The following METTL8 variants were observed in gnomAD, a reference collection of about 807,000 sequenced individuals.
METTL8 encodes the protein tRNA N(3)-cytidine methyltransferase METTL8, mitochondrial.
Under a neutral mutation model 48.7 loss-of-function variants are expected in METTL8, and 32 were observed. That is an observed-to-expected ratio of 0.66 (90% confidence interval 0.50 to 0.88). The LOEUF is 0.88. METTL8 is among the 40% of genes least tolerant of loss of function. The pLI is 0.00. For synonymous variants in METTL8, 136 were observed against 157.1 expected (o/e 0.87, Z 1.01); for missense variants, 464 against 474.4 (o/e 0.98, Z 0.20).
At chr2:171,405,293 G>A (rs1417872487) in intron 1 of METTL8, among the ~76,000 whole-genome samples, 5 of 151,670 alleles carry the variant, frequency 3.3e-5, no homozygotes, top group Admixed American at 6.6e-5. Context: ...GAGAGGGACT[G>A]ATCAAGAAAA....
intron 1 of METTL8, among the ~76,000 whole-genome samples, chr2:171,396,484 G>C (rs1689077426): frequency 6.6e-6 from 1 of 152,066 alleles, no homozygotes; most frequent in African/African-American, 2.4e-5. Context: ...GTAATGTCAT[G>C]TATGGCATGC....
At chr2:171,428,634 C>G (rs72882311) in intron 1 of METTL8, among the ~76,000 whole-genome samples, 10,422 of 152,218 alleles carry the variant, frequency 0.068, 469 homozygotes, top group Middle Eastern at 0.17. Flanking sequence ...TATTACTACT[C>G]AGTTTCTGCC....
At chr2:171,348,019 A>G (rs1224915633) in intron 3 of METTL8, among the ~76,000 whole-genome samples, 1 of 152,188 alleles carries the variant, frequency 6.6e-6, no homozygotes, top group Non-Finnish European at 1.5e-5. Flanking sequence ...TAAGATAGGT[A>G]GGCACTGCCC....
At chr2:171,336,396 CTTTTTTTTTTTTTT>C (rs146097512) in intron 5 of METTL8, among the ~76,000 whole-genome samples, 2 of 80,782 alleles carry the variant, frequency 2.5e-5, no homozygotes, top group South Asian at 4.8e-4. Flanking sequence ...CGCCCGACTG[CTTTTTTTTTTTTTT>C]TTTTTTTTTT....
intron 3 of METTL8, among the ~76,000 whole-genome samples, chr2:171,350,297 C>CT (rs1484263184): frequency 1.3e-5 from 2 of 152,236 alleles, no homozygotes; most frequent in South Asian, 2.1e-4. Context: ...TGAACTCATC[C>CT]TTTTTTATAG....
At chr2:171,425,692 A>G (rs775938194) in intron 1 of METTL8, among the ~76,000 whole-genome samples, 10 of 152,244 alleles carry the variant, frequency 6.6e-5, no homozygotes, top group Non-Finnish European at 1.5e-4. Flanking sequence ...GCAGAGAATT[A>G]GGTTATGCTG....
chr2:171,389,047 A>G (rs1688336401), intron 2 of METTL8, among the ~76,000 whole-genome samples: 1 of 152,140 alleles, frequency 6.6e-6, no homozygotes, highest in Non-Finnish European at 1.5e-5. Context: ...TTACCCTACA[A>G]TGGCCTCTAC....
chr2:171,358,464 C>G (rs1684818668), intron 3 of METTL8, among the ~76,000 whole-genome samples: 1 of 151,742 alleles, frequency 6.6e-6, no homozygotes, highest in African/African-American at 2.4e-5. Context: ...AAAACAGACA[C>G]ATTGACTGAT....
At chr2:171,326,531 T>A (rs918016498) in intron 7 of METTL8, 1 of 169,210 alleles carries the variant, frequency 5.9e-6, no homozygotes, top group African/African-American at 2.4e-5. Context: ...ATAAAAAATA[T>A]GCCAAAGCCA....
chr2:171,427,147 C>A (rs1692500435), intron 1 of METTL8, among the ~76,000 whole-genome samples: 1 of 152,104 alleles, frequency 6.6e-6, no homozygotes, highest in African/African-American at 2.4e-5. Flanking sequence ...TGATTCTTTT[C>A]TTTTCCTCAT....
At position 171,326,059 on chromosome 2, in the gene METTL8, T is replaced by C. The variant is rs1017246109; in HGVS notation, c.950A>G (p.Gln317Arg). Residue 317 changes from glutamine to arginine, a missense_variant, in exon 8 of 10, where the codon CAG becomes CGG. Transcript: ENST00000375258. ...FRDYGRYDKTQLRFKKGHCLS... is the reference protein window; with the variant it reads ...FRDYGRYDKTRLRFKKGHCLS... ...ACTATTACCCTTTTTAAAACGAAGCTGAGTCTTATCATATCTTCCATAGTC... is the reference window on the plus strand; with the variant it reads ...ACTATTACCCTTTTTAAAACGAAGCCGAGTCTTATCATATCTTCCATAGTC... The C allele has an allele frequency of 1.9e-6, 3 of 1,541,414 alleles. No individual in the cohort carries two copies. The highest frequency in any genetic ancestry group is 2.6e-6 in the Non-Finnish European group (3 of 1,139,478).
intron 3 of METTL8, among the ~76,000 whole-genome samples, chr2:171,349,569 G>A (rs1683653833): frequency 6.6e-6 from 1 of 152,152 alleles, no homozygotes; most frequent in African/African-American, 2.4e-5. Context: ...ATCTGATGAT[G>A]GGCATTTTAG....
chr2:171,343,400 T>C (rs926025974), intron 3 of METTL8, among the ~76,000 whole-genome samples: 7 of 151,702 alleles, frequency 4.6e-5, no homozygotes, highest in East Asian at 2.0e-4. Context: ...GATCGTGCCA[T>C]TGCACTCCAG....
At chr2:171,376,478 C>G (rs1686979210) in intron 2 of METTL8, among the ~76,000 whole-genome samples, 2 of 152,116 alleles carry the variant, frequency 1.3e-5, no homozygotes, top group African/African-American at 4.8e-5. Flanking sequence ...GCTCCTAGAT[C>G]TGATAAATGG....
chr2:171,434,373 T>C (rs1256267457), upstream of METTL8: 2 of 870,362 alleles, frequency 2.3e-6, no homozygotes, highest in Non-Finnish European at 1.8e-6. Flanking sequence ...TTCCCTTCTC[T>C]CCGCGCTCTG....
At chr2:171,355,989 C>T (rs1020001469) in intron 3 of METTL8, among the ~76,000 whole-genome samples, 5 of 152,128 alleles carry the variant, frequency 3.3e-5, no homozygotes, top group Non-Finnish European at 7.4e-5. Flanking sequence ...ACCCACTGTC[C>T]GACAAGCCCC....
chr2:171,423,756 T>C (rs192316305), intron 1 of METTL8, among the ~76,000 whole-genome samples: 42 of 152,166 alleles, frequency 2.8e-4, no homozygotes, highest in Non-Finnish European at 4.9e-4. Flanking sequence ...GTTTGAAAAA[T>C]GTGCAGCCTG....
intron 2 of METTL8, among the ~76,000 whole-genome samples, chr2:171,361,103 C>T (rs371269653): frequency 6.6e-6 from 1 of 152,030 alleles, no homozygotes; most frequent in African/African-American, 2.4e-5. Flanking sequence ...AGTTCTGGTA[C>T]TTTCTATAAG....
intron 1 of METTL8, among the ~76,000 whole-genome samples, chr2:171,397,385 TCAA>T (rs1249074528): frequency 1.8e-5 from 1 of 55,392 alleles, no homozygotes; most frequent in Non-Finnish European, 3.8e-5. Context: ...AAAAACAACA[TCAA>T]CAACAACAAA....
Sources: gnomAD v4.1 joint callset for allele counts (sites outside exome capture counted in the v4.1 genomes callset) on GRCh38, gnomAD v4.1.1 for gene constraint, MANE v1.5 for transcripts, NCBI Gene and HGNC (gene_info 2026-07-23, HGNC 2026-07-21) for gene names.